The following CDKAL1 variants were observed in gnomAD, a reference collection of about 807,000 sequenced individuals.
CDKAL1 encodes the protein threonylcarbamoyladenosine tRNA methylthiotransferase.
A neutral mutation model predicts 68.2 loss-of-function variants in CDKAL1; 32 were observed. The observed-to-expected ratio is 0.47, with a 90% confidence interval of 0.35 to 0.63. The LOEUF (loss-of-function observed/expected upper bound fraction) is 0.63, where lower values mean the gene tolerates loss of function less well. CDKAL1 is among the 30% of genes least tolerant of loss of function. CDKAL1 has a pLI of 0.00. For missense variants in CDKAL1, 606 were observed against 696.7 expected (o/e 0.87, Z 1.47); for synonymous variants, 234 against 244.3 (o/e 0.96, Z 0.39).
At chr6:20,780,707 T>G (rs1239096555) in intron 7 of CDKAL1, among the ~76,000 whole-genome samples, 1 of 144,430 alleles carries the variant, frequency 6.9e-6, no homozygotes, top group Non-Finnish European at 1.5e-5. Flanking sequence ...GGAGTCTCAC[T>G]CTGTCACCTA....
chr6:20,618,770 C>T (rs935810713), intron 4 of CDKAL1, among the ~76,000 whole-genome samples: 2 of 152,034 alleles, frequency 1.3e-5, no homozygotes, highest in African/African-American at 4.8e-5. Flanking sequence ...CCTCGACTTC[C>T]CAGGCTCAGC....
At chr6:20,968,183 G>A (rs1028137673) in intron 10 of CDKAL1, among the ~76,000 whole-genome samples, 3 of 148,042 alleles carry the variant, frequency 2.0e-5, no homozygotes, top group Admixed American at 6.8e-5. Context: ...TTTTGGACCA[G>A]GGTCTCACTG....
At chr6:20,544,318 C>T (rs926863788) in intron 2 of CDKAL1, among the ~76,000 whole-genome samples, 2 of 150,752 alleles carry the variant, frequency 1.3e-5, no homozygotes, top group Non-Finnish European at 3.0e-5. Flanking sequence ...GTAGACCAGG[C>T]CGGGCGCAGT....
At chr6:21,059,310 C>A (rs900943725) in intron 11 of CDKAL1, among the ~76,000 whole-genome samples, 1 of 152,168 alleles carries the variant, frequency 6.6e-6, no homozygotes, top group African/African-American at 2.4e-5. Flanking sequence ...GTGATGGCAG[C>A]CACCCTCACC....
intron 13 of CDKAL1, among the ~76,000 whole-genome samples, chr6:21,188,640 T>C (rs1778111192): frequency 6.6e-6 from 1 of 152,182 alleles, no homozygotes; most frequent in Non-Finnish European, 1.5e-5. Flanking sequence ...TATCTGGCCA[T>C]AGAACTTCAG....
intron 13 of CDKAL1, among the ~76,000 whole-genome samples, chr6:21,180,261 A>T (rs936042404): frequency 8.6e-5 from 13 of 151,808 alleles, no homozygotes; most frequent in East Asian, 1.9e-4. Context: ...AATTTTCTCC[A>T]TCTGATGCTT....
chr6:20,758,772 T>G, intron 7 of CDKAL1, 129 bp downstream of exon 7: 1 of 663,902 alleles, frequency 1.5e-6, no homozygotes, highest in Non-Finnish European at 2.4e-6. Flanking sequence ...CATAAAATGT[T>G]ATCCTTGGCT....
chr6:20,759,401 G>A (rs1479466137), intron 7 of CDKAL1, among the ~76,000 whole-genome samples: 4 of 152,088 alleles, frequency 2.6e-5, no homozygotes, highest in Admixed American at 2.6e-4. Context: ...AATTAGCTGG[G>A]TGTGGTGGGG....
intron 4 of CDKAL1, among the ~76,000 whole-genome samples, chr6:20,648,102 C>T (rs1581891665): frequency 6.7e-6 from 1 of 149,048 alleles, no homozygotes; most frequent in South Asian, 2.1e-4. Flanking sequence ...TTTTTTTTGC[C>T]ATGTTTATAA....
rs568845719 is a variant in CDKAL1 at position 20,603,954 on chromosome 6, G to A, written c.287-45339G>A. Among the ~76,000 whole-genome samples the A allele has an allele frequency of 9.3e-5, 14 of 151,002 alleles. No homozygotes were observed. In the East Asian group the frequency reaches 2.7e-3, roughly 29 times the overall value. ...ACCACGCCCGGCTAATTTTTGTATA[G>A]TTGCTAATGTTTTATCTTGGTGGTC... On this transcript the variant is annotated intron_variant, in intron 4 of 15. Transcript: ENST00000274695.
At chr6:21,044,903 G>A (rs1291915493) in intron 11 of CDKAL1, among the ~76,000 whole-genome samples, 1 of 152,162 alleles carries the variant, frequency 6.6e-6, no homozygotes, top group Non-Finnish European at 1.5e-5. Context: ...TATGATCAAG[G>A]CACCAGCAGG....
intron 11 of CDKAL1, among the ~76,000 whole-genome samples, chr6:21,022,921 A>G (rs1768755904): frequency 6.6e-6 from 1 of 152,166 alleles, no homozygotes; most frequent in African/African-American, 2.4e-5. Context: ...CATATTGTCC[A>G]ATATATTTTA....
chr6:20,708,899 T>C (rs921604762), intron 5 of CDKAL1, among the ~76,000 whole-genome samples: 5 of 152,210 alleles, frequency 3.3e-5, no homozygotes, highest in Admixed American at 6.5e-5. Context: ...CCAAGTCTTA[T>C]TGTTTATGTC....
At chr6:20,692,737 TA>T (rs113046618) in intron 5 of CDKAL1, among the ~76,000 whole-genome samples, 1 of 150,534 alleles carries the variant, frequency 6.6e-6, no homozygotes, top group Admixed American at 6.6e-5. Context: ...CCCAGAACAT[TA>T]AAAAAAAACC....
In CDKAL1 at chr6:20,727,591, C is replaced by T. The variant is rs143041988; in HGVS notation, c.372-11928C>T. 6.8e-3 allele frequency among the ~76,000 whole-genome samples: 1,030 copies of T among 152,138 alleles called. 13 individuals are homozygous for T. The highest frequency in any genetic ancestry group is 0.023 in the African/African-American group (964 of 41,498). On this transcript the variant is annotated intron_variant, in intron 5 of 15. Transcript: ENST00000274695. ...ATGCAAACTAGAGTCTTTTCAGGTG[C>T]CAAGAGTTGTCTTCAGAGTAGTTCT...
chr6:20,794,115 T>A (rs955334020), intron 8 of CDKAL1, among the ~76,000 whole-genome samples: 3 of 152,028 alleles, frequency 2.0e-5, no homozygotes, highest in South Asian at 2.1e-4. Context: ...TGTAGTTTTT[T>A]AAAATCCTTC....
intron 8 of CDKAL1, among the ~76,000 whole-genome samples, chr6:20,826,672 C>T (rs925144455): frequency 1.1e-4 from 16 of 152,122 alleles, no homozygotes; most frequent in African/African-American, 3.4e-4. Flanking sequence ...TTCCTCCAAC[C>T]TCTGATTATT....
chr6:20,713,179 C>T (rs182346760), intron 5 of CDKAL1, among the ~76,000 whole-genome samples: 2 of 152,224 alleles, frequency 1.3e-5, no homozygotes, highest in Admixed American at 1.3e-4. Context: ...AAGCATATAC[C>T]TGGAATCGAC....
chr6:20,693,522 A>G (rs1770967074), intron 5 of CDKAL1, among the ~76,000 whole-genome samples: 1 of 152,210 alleles, frequency 6.6e-6, no homozygotes, highest in East Asian at 1.9e-4. Flanking sequence ...AACAGGGCAA[A>G]TGACAGAATT....
Sources: gnomAD v4.1 joint callset for allele counts (sites outside exome capture counted in the v4.1 genomes callset) on GRCh38, gnomAD v4.1.1 for gene constraint, MANE v1.5 for transcripts, NCBI Gene and HGNC (gene_info 2026-07-23, HGNC 2026-07-21) for gene names.